The following MOBP variants were observed in gnomAD, a reference collection of about 807,000 sequenced individuals.
The protein encoded by MOBP is myelin associated oligodendrocyte basic protein.
Under a neutral mutation model 15.0 loss-of-function variants are expected in MOBP, and 5 were observed. The ratio of observed to expected loss-of-function variants is 0.33; its 90% CI spans 0.17 to 0.70. The LOEUF is 0.70. Ranked by LOEUF, MOBP falls within the 30% of genes least tolerant of loss-of-function variation. MOBP has a pLI of 0.67. For synonymous variants in MOBP, 88 were observed against 99.0 expected, an observed-to-expected ratio of 0.89 and a Z score of 0.66; for missense variants, 188 against 257.8, an observed-to-expected ratio of 0.73 and a Z score of 1.85.
chr3:39,475,434 C>T (rs1443716259), intron 1 of MOBP, among the ~76,000 whole-genome samples: 1 of 152,138 alleles, frequency 6.6e-6, no homozygotes, highest in Non-Finnish European at 1.5e-5. Context: ...TTTCTCCTTA[C>T]ACTTTCACCT....
At chr3:39,486,426 C>T (rs748664358) in intron 2 of MOBP, among the ~76,000 whole-genome samples, 19 of 151,930 alleles carry the variant, frequency 1.3e-4, no homozygotes, top group Admixed American at 4.6e-4. Context: ...ATCCATTTCC[C>T]GACTCTATTA....
chr3:39,479,460 G>A (rs1337776546), intron 1 of MOBP, among the ~76,000 whole-genome samples: 2 of 150,710 alleles, frequency 1.3e-5, no homozygotes, highest in African/African-American at 4.9e-5. Context: ...GGGACCAAAG[G>A]TTATGAATAC....
chr3:39,502,444 C>T lies in MOBP; in HGVS notation c.207-91C>T, dbSNP rs2042986205. ...CTGGAAGGTGGGTGGGGGAGCAGGG[C>T]CTTCCTACCTGTTTCCAGCTCCTGC... On this transcript the variant is annotated intron_variant, in intron 3 of 3. Coordinates refer to ENST00000684792, the MANE Select transcript of MOBP (RefSeq NM_001393704.1). This position sits in a 1 kb window ranked among gnomAD's most constrained non-coding sequence, Gnocchi z 6.3. 2.6e-6 allele frequency: 4 copies of T among 1,526,612 alleles called. No individual in the cohort carries two copies. Among genetic ancestry groups the T allele is most frequent in the South Asian group, 2.4e-5 (2 of 81,904 alleles). The allele number at this position is 1,526,612 out of a possible 1,614,324, so 94.6% of individuals were successfully genotyped here.
At chr3:39,508,147 T>A (rs2125663377) in intron 4 of MOBP, among the ~76,000 whole-genome samples, 1 of 152,318 alleles carries the variant, frequency 6.6e-6, no homozygotes, top group Non-Finnish European at 1.5e-5. Context: ...TTTGGGCAGT[T>A]ATAGTTCAAT....
At chr3:39,478,939 C>T (rs1360208322) in intron 1 of MOBP, among the ~76,000 whole-genome samples, 2 of 151,954 alleles carry the variant, frequency 1.3e-5, no homozygotes, top group Non-Finnish European at 2.9e-5. Context: ...AAGCAATTCT[C>T]CTGCCTCAGC....
downstream of MOBP, chr3:39,529,332 A>G (rs2043366244): frequency 6.6e-6 from 1 of 152,242 alleles, no homozygotes; most frequent in Admixed American, 6.5e-5. Context: ...GTAAAATGCC[A>G]AGGTGTAAGT....
chr3:39,521,180 C>T (rs1183974249), intron 3 of MOBP, among the ~76,000 whole-genome samples: 1 of 152,056 alleles, frequency 6.6e-6, no homozygotes, highest in African/African-American at 2.4e-5. Context: ...GAACTCCTGG[C>T]CTCAAGTTAA....
downstream of MOBP, chr3:39,525,592 C>A (rs561928711): frequency 2.6e-5 from 4 of 152,274 alleles, no homozygotes; most frequent in South Asian, 8.3e-4. Context: ...GGCTCTGTGT[C>A]CTTGAGTGGG....
intron 1 of MOBP, among the ~76,000 whole-genome samples, chr3:39,469,829 C>T (rs964008568): frequency 2.6e-5 from 4 of 152,250 alleles, no homozygotes; most frequent in African/African-American, 7.2e-5. Context: ...TCTTTGTACA[C>T]CAAATTGCCA....
downstream of MOBP, among the ~76,000 whole-genome samples, chr3:39,505,516 T>G (rs73070289): frequency 6.1e-3 from 930 of 152,340 alleles, 3 homozygotes; most frequent in Non-Finnish European, 0.01. Flanking sequence ...TTGCCCTATC[T>G]GTGGCATATA....
At chr3:39,499,052 G>A (rs573722990) in intron 2 of MOBP, among the ~76,000 whole-genome samples, 2 of 152,260 alleles carry the variant, frequency 1.3e-5, no homozygotes, top group East Asian at 3.9e-4. Context: ...TGTGACGGGT[G>A]CCTGAGCCGT....
intron 2 of MOBP, among the ~76,000 whole-genome samples, chr3:39,496,267 C>T (rs1450386786): frequency 8.7e-5 from 13 of 150,202 alleles, no homozygotes; most frequent in African/African-American, 2.5e-4. Flanking sequence ...GGCCCGATCT[C>T]GGCTCAGTGC....
intron 1 of MOBP, among the ~76,000 whole-genome samples, chr3:39,471,832 G>A (rs138325851): frequency 1.3e-5 from 2 of 152,278 alleles, no homozygotes; most frequent in East Asian, 1.9e-4. Flanking sequence ...ACACCACAGC[G>A]CTCCCAAGAA....
At chr3:39,494,068 A>G (rs1268486265) in intron 2 of MOBP, among the ~76,000 whole-genome samples, 1 of 152,234 alleles carries the variant, frequency 6.6e-6, no homozygotes, top group Non-Finnish European at 1.5e-5. Flanking sequence ...AATTATATAG[A>G]TTAAACAAGG....
At chr3:39,475,970 C>G (rs1355558446) in intron 1 of MOBP, among the ~76,000 whole-genome samples, 1 of 152,112 alleles carries the variant, frequency 6.6e-6, no homozygotes, top group African/African-American at 2.4e-5. Flanking sequence ...ATATCTGACA[C>G]TGAGTAATTT....
chr3:39,522,742 A>G (rs1169878455), intron 3 of MOBP, among the ~76,000 whole-genome samples: 3 of 152,230 alleles, frequency 2.0e-5, no homozygotes, highest in Non-Finnish European at 4.4e-5. Flanking sequence ...ACTTTTACAC[A>G]AAAGGTTCCG....
intron 4 of MOBP, among the ~76,000 whole-genome samples, chr3:39,509,695 A>C (rs931669322): frequency 2.5e-4 from 38 of 152,302 alleles, no homozygotes; most frequent in African/African-American, 8.7e-4. Context: ...GTGAAGAGCC[A>C]AAGTTTTGAC....
At chr3:39,523,771 A>T (rs1366519426) in intron 3 of MOBP, among the ~76,000 whole-genome samples, 1 of 152,210 alleles carries the variant, frequency 6.6e-6, no homozygotes, top group Non-Finnish European at 1.5e-5. Context: ...AATGGGCAAG[A>T]ACACTGCAAT....
intron 2 of MOBP, among the ~76,000 whole-genome samples, chr3:39,500,862 A>G (rs1316672933): frequency 1.3e-5 from 2 of 152,228 alleles, no homozygotes; most frequent in Non-Finnish European, 2.9e-5. Flanking sequence ...AAGATCTAAG[A>G]TACTTAATTA....
Sources: allele counts gnomAD v4.1 joint callset (sites outside exome capture counted in the v4.1 genomes callset), GRCh38; gene constraint gnomAD v4.1.1; non-coding constraint Gnocchi (gnomAD v3.1); transcripts MANE v1.5; gene names NCBI Gene and HGNC (gene_info 2026-07-23, HGNC 2026-07-21).